The following SLA variants were observed in gnomAD, a reference collection of about 807,000 sequenced individuals.
SLA encodes the protein Src like adaptor, also known as src-like-adapter.
SLA carries 16 observed loss-of-function variants against 30.3 expected under a neutral mutation model. The observed-to-expected ratio is 0.53, with a 90% CI of 0.36 to 0.80. SLA has a LOEUF of 0.80. SLA is among the 30% of genes least tolerant of loss of function. The pLI, the probability that SLA is intolerant of heterozygous loss-of-function variation, is 0.01. For synonymous variants in SLA, 143 were observed against 137.8 expected, an observed-to-expected ratio of 1.04 and a Z score of -0.26; for missense variants, 310 against 345.2, an observed-to-expected ratio of 0.90 and a Z score of 0.81.
At chr8:133,065,259 C>T (rs1208911269) in intron 2 of SLA, among the ~76,000 whole-genome samples, 1 of 152,320 alleles carries the variant, frequency 6.6e-6, no homozygotes, top group Admixed American at 6.5e-5. Flanking sequence ...TCCTGGGTTG[C>T]TCAGAACAAC....
At chr8:133,045,574 T>C (rs1300707919) in intron 6 of SLA, among the ~76,000 whole-genome samples, 1 of 151,938 alleles carries the variant, frequency 6.6e-6, no homozygotes, top group African/African-American at 2.4e-5. Flanking sequence ...CTTTTATTTT[T>C]TGTAGAGGTG....
At chr8:133,047,717 A>T (rs1260273156) in intron 6 of SLA, 113 bp downstream of exon 6, 1 of 740,316 alleles carries the variant, frequency 1.4e-6, no homozygotes, top group African/African-American at 1.7e-5. Flanking sequence ...ACTACATTGG[A>T]TCAATTTGCA....
chr8:133,082,737 G>T lies in SLA; in HGVS notation c.-318-7607C>A, dbSNP rs1215536952. Among the ~76,000 whole-genome samples, 2 of 152,174 alleles carry T rather than the reference G, an allele frequency of 1.3e-5. 1 individual carries two copies. Among genetic ancestry groups the T allele is most frequent in the Non-Finnish European group, 2.9e-5 (2 of 68,024 alleles). ...CTTGAACAGCACAAAATGACGGTAG[G>T]ATCTGTAACAGCATTATGATGACTT... On this transcript the variant is annotated intron_variant, in intron 1 of 8. Coordinates refer to ENST00000338087, the MANE Select transcript of SLA (RefSeq NM_001045556.3).
At chr8:133,080,434 T>G (rs1170589036) in intron 1 of SLA, among the ~76,000 whole-genome samples, 1 of 152,074 alleles carries the variant, frequency 6.6e-6, no homozygotes, top group Non-Finnish European at 1.5e-5. Context: ...AGTAGGAAAT[T>G]TGCTGTCACT....
intron 1 of SLA, chr8:133,076,745 C>T (rs574185449): frequency 2.3e-5 from 3 of 129,840 alleles, no homozygotes; most frequent in Non-Finnish European, 3.1e-5. Context: ...ATTCCACAAA[C>T]TGGGATTTAG....
chr8:133,038,296 A>G lies in SLA; in HGVS notation c.*228T>C. The G allele has an allele frequency of 1.7e-6, 1 of 576,142 alleles. No homozygotes were observed. The highest frequency in any genetic ancestry group is 2.9e-5 in the East Asian group (1 of 34,196). The allele number at this position is 576,142 out of a possible 1,614,324, so 35.7% of individuals were successfully genotyped here. A position where few individuals can be genotyped will look rare whatever the true frequency, so the allele number is the denominator to read the frequency against. The stretch of plus-strand genomic sequence containing the variant: ...TCTTCCAAGCATCGCCCGACATGTC[A>G]TGATCCAATGTTTCGTGATGCCACA... On this transcript the variant is annotated 3_prime_UTR_variant, in exon 9 of 9. Coordinates refer to ENST00000338087, the MANE Select transcript of SLA (RefSeq NM_001045556.3).
intron 3 of SLA, among the ~76,000 whole-genome samples, chr8:133,057,426 C>G (rs567301636): frequency 5.1e-4 from 77 of 152,356 alleles, no homozygotes; most frequent in African/African-American, 1.7e-3. Context: ...AGTTTCACCA[C>G]TTTAAAACTT....
At chr8:133,061,207 A>G (rs1842324480) in intron 2 of SLA, among the ~76,000 whole-genome samples, 1 of 152,084 alleles carries the variant, frequency 6.6e-6, no homozygotes, top group Non-Finnish European at 1.5e-5. Context: ...ATGGGGTTTC[A>G]CCATGTTGCC....
chr8:133,088,905 A>AAAACATGC (rs58681660), intron 1 of SLA, among the ~76,000 whole-genome samples: 5,471 of 152,304 alleles, frequency 0.036, 333 homozygotes, highest in African/African-American at 0.13. Flanking sequence ...TTTAGTGTAG[A>AAAACATGC]AAACATGCAA....
rs187240537 is a variant in SLA, at chr8:133,085,956, A to T, written c.-318-10826T>A. On this transcript the variant is annotated intron_variant, in intron 1 of 8. Transcript: ENST00000338087. ...ACAGCATTATTCATAATTGGCAAAA[A>T]GTAGAAACAACCCAAATGTTTACCA... Among the ~76,000 whole-genome samples the T allele has an allele frequency of 3.2e-4, 49 of 152,356 alleles. No homozygotes were observed. The East Asian group carries it at 7.7e-3, about 24-fold the overall frequency.
intron 1 of SLA, among the ~76,000 whole-genome samples, chr8:133,082,246 G>GT (rs1375898741): frequency 1.3e-5 from 2 of 152,152 alleles, no homozygotes; most frequent in African/African-American, 4.8e-5. Context: ...TTCAAAAACT[G>GT]TAAGTTCCAA....
At chr8:133,049,652 G>A in intron 5 of SLA, 1 of 491,438 alleles carries the variant, frequency 2.0e-6, no homozygotes, top group Non-Finnish European at 3.7e-6. Flanking sequence ...TCTGTGCCAG[G>A]AGCACCATGT....
chr8:133,090,396 T>C (rs537587209), intron 1 of SLA, among the ~76,000 whole-genome samples: 1 of 152,298 alleles, frequency 6.6e-6, no homozygotes, highest in East Asian at 1.9e-4. Context: ...TTTAACTTCA[T>C]AGTGCTGTGG....
At chr8:133,047,714 T>C in intron 6 of SLA, 116 bp downstream of exon 6, 1 of 734,086 alleles carries the variant, frequency 1.4e-6, no homozygotes, top group East Asian at 2.6e-5. Context: ...TTAACTACAT[T>C]GGATCAATTT....
chr8:133,038,462 A>G lies in SLA; in HGVS notation c.*62T>C, dbSNP rs1837485406. On this transcript the variant is annotated 3_prime_UTR_variant, in exon 9 of 9. Coordinates refer to ENST00000338087, the MANE Select transcript of SLA (RefSeq NM_001045556.3). ...ATCAGGGAACCTCGCTTTTCGCAAG[A>G]TCCCAGGCAATAGTTGGAACTTCTG... The G allele has an allele frequency of 1.4e-5, 19 of 1,351,072 alleles. No homozygotes were observed. The highest frequency in any genetic ancestry group is 3.6e-4 in the Middle Eastern group (2 of 5,558). The allele number at this position is 1,351,072 out of a possible 1,614,324, so 83.7% of individuals were successfully genotyped here.
chr8:133,096,069 G>A, intron 1 of SLA: 2 of 1,051,118 alleles, frequency 1.9e-6, no homozygotes, highest in Non-Finnish European at 2.9e-6. Context: ...CTGCCTGCCA[G>A]TTGTCCTGGT....
chr8:133,071,736 A>C (rs1844076721), intron 2 of SLA, among the ~76,000 whole-genome samples: 1 of 152,160 alleles, frequency 6.6e-6, no homozygotes, highest in Non-Finnish European at 1.5e-5. Flanking sequence ...AACCGACTGC[A>C]CTGACTACAC....
intron 2 of SLA, among the ~76,000 whole-genome samples, chr8:133,069,249 C>CT (rs1344908205): frequency 1.3e-5 from 2 of 152,212 alleles, no homozygotes; most frequent in Non-Finnish European, 2.9e-5. Flanking sequence ...GTTACTTTTC[C>CT]TTTTTATTCG....
rs144006971 is a variant in SLA, at chr8:133,062,678, G to A, written c.-40-2478C>T. The stretch of plus-strand genomic sequence containing the variant: ...GACATGCAGAGGCCGCTCTGCACAG[G>A]CCTCAGGAAGCATGCCTGTGACACG... On this transcript the variant is annotated intron_variant, in intron 2 of 8. Transcript: ENST00000338087. Among the ~76,000 whole-genome samples the A allele has an allele frequency of 1.1e-4, 17 of 152,310 alleles. 1 individual carries two copies. The East Asian group carries it at 2.9e-3, about 26-fold the overall frequency.
Sources: allele counts gnomAD v4.1 joint callset (sites outside exome capture counted in the v4.1 genomes callset), GRCh38; gene constraint gnomAD v4.1.1; transcripts MANE v1.5; gene names NCBI Gene and HGNC (gene_info 2026-07-23, HGNC 2026-07-21).